ERC2: variants seen among roughly 807,000 people sequenced by gnomAD.
ERC2 encodes the protein ERC protein 2.
ERC2 carries 42 observed loss-of-function variants against 114.8 expected under a neutral mutation model. That is an observed-to-expected ratio of 0.37 (90% confidence interval 0.29 to 0.47). ERC2 has a LOEUF of 0.47. ERC2 is among the 20% of genes least tolerant of loss of function. The probability of loss-of-function intolerance (pLI) is 0.99; values close to 1 mark genes in which losing one functional copy is unlikely to be tolerated. For synonymous variants in ERC2, 454 were observed against 425.5 expected (o/e 1.07, Z -0.82); for missense variants, 939 against 1,150.7 (o/e 0.82, Z 2.66).
chr3:56,043,427 T>C (rs1250750708), intron 7 of ERC2, among the ~76,000 whole-genome samples: 3 of 152,122 alleles, frequency 2.0e-5, no homozygotes, highest in Admixed American at 6.5e-5. Flanking sequence ...GTTTCAACCA[T>C]GCATATACCT....
chr3:56,465,216 T>C (rs2063489279), intron 1 of ERC2, among the ~76,000 whole-genome samples: 1 of 152,142 alleles, frequency 6.6e-6, no homozygotes, highest in African/African-American at 2.4e-5. Flanking sequence ...CTGGCCAACA[T>C]GGTGAAACCC....
chr3:55,664,656 G>C (rs751081475), intron 17 of ERC2, among the ~76,000 whole-genome samples: 77 of 152,174 alleles, frequency 5.1e-4, no homozygotes, highest in Admixed American at 3.9e-4. Context: ...GAGAGCCAAG[G>C]ATCCATTTCA....
intron 14 of ERC2, among the ~76,000 whole-genome samples, chr3:55,886,928 T>C (rs570825963): frequency 2.0e-5 from 3 of 152,356 alleles, no homozygotes; most frequent in Admixed American, 1.3e-4. Context: ...CAACAAACCA[T>C]TGAGCACCTA....
intron 17 of ERC2, among the ~76,000 whole-genome samples, chr3:55,637,777 T>C (rs2060017885): frequency 6.6e-6 from 1 of 152,176 alleles, no homozygotes; most frequent in South Asian, 2.1e-4. Flanking sequence ...TAGGTGTTTA[T>C]TACATATTTG....
At chr3:55,859,594 T>C (rs1226546288) in intron 14 of ERC2, among the ~76,000 whole-genome samples, 1 of 152,134 alleles carries the variant, frequency 6.6e-6, no homozygotes, top group Non-Finnish European at 1.5e-5. Context: ...TTTTTTAGCA[T>C]GTGGTAATGT....
chr3:56,062,325 A>ACT, intron 7 of ERC2, among the ~76,000 whole-genome samples: 1 of 152,326 alleles, frequency 6.6e-6, no homozygotes, highest in African/African-American at 2.4e-5. Flanking sequence ...CCTCTGTACA[A>ACT]GATCTGGTGT....
At chr3:56,180,901 T>C (rs1001464042) in intron 3 of ERC2, among the ~76,000 whole-genome samples, 36 of 152,216 alleles carry the variant, frequency 2.4e-4, no homozygotes, top group African/African-American at 8.2e-4. Flanking sequence ...AGAGTAACCA[T>C]CATCTTGAAG....
At position 56,007,284 on chromosome 3, in the gene ERC2, A is replaced by G; in HGVS notation, c.1958T>C (p.Leu653Ser). 1 of 1,599,514 alleles carries G rather than the reference A, an allele frequency of 6.3e-7. No individual in the cohort carries two copies. Among genetic ancestry groups the G allele is most frequent in the Non-Finnish European group, 8.5e-7 (1 of 1,172,140 alleles). Reference protein sequence around the residue: ...LIDLKEHASSLASAGLKRDSK... With the variant: ...LIDLKEHASSSASAGLKRDSK... ...ATCCCTTTTCAGCCCCGCAGAGGCT[A>G]ATGAAGATGCATGTTCTTTGAGGTC... Residue 653 changes from leucine to serine, a missense_variant, in exon 10 of 18, where the codon TTA becomes TCA. Transcript: ENST00000288221.
intron 14 of ERC2, among the ~76,000 whole-genome samples, chr3:55,789,712 G>T (rs932077515): frequency 1.9e-4 from 29 of 152,136 alleles, no homozygotes; most frequent in Non-Finnish European, 3.7e-4. Flanking sequence ...GAAGAGAAAG[G>T]CACTACAGAA....
chr3:56,284,942 C>T (rs2054577880), intron 3 of ERC2, among the ~76,000 whole-genome samples: 1 of 151,000 alleles, frequency 6.6e-6, no homozygotes, highest in Non-Finnish European at 1.5e-5. Context: ...CTCTCAATCT[C>T]TCCCTCCATC....
At chr3:55,823,646 A>G (rs1206442247) in intron 14 of ERC2, among the ~76,000 whole-genome samples, 1 of 152,230 alleles carries the variant, frequency 6.6e-6, no homozygotes, top group African/African-American at 2.4e-5. Flanking sequence ...AGTAGCCCAA[A>G]TGCAAAAGAG....
chr3:56,362,031 T>TG lies in ERC2; in HGVS notation c.658-65597dup, dbSNP rs2058976954. The stretch of plus-strand genomic sequence containing the variant: ...AAGGAAGGCCATACCTTCCCATTGA[T>TG]GGAGGCAGAGGCTTAAAGCTCAGCC... On this transcript the variant is annotated intron_variant, in intron 2 of 17. Coordinates refer to ENST00000288221, the MANE Select transcript of ERC2 (RefSeq NM_015576.3). 2.6e-5 allele frequency among the ~76,000 whole-genome samples: 4 copies of TG among 152,298 alleles called. No homozygotes were observed. In the South Asian group the frequency reaches 8.3e-4, roughly 32 times the overall value.
At chr3:56,174,662 C>T (rs1167350148) in intron 3 of ERC2, among the ~76,000 whole-genome samples, 1 of 152,204 alleles carries the variant, frequency 6.6e-6, no homozygotes, top group Non-Finnish European at 1.5e-5. Context: ...CCATTATCAT[C>T]TACTATCACT....
At chr3:55,545,881 C>T (rs752005914) in intron 17 of ERC2, among the ~76,000 whole-genome samples, 6 of 152,128 alleles carry the variant, frequency 3.9e-5, no homozygotes, top group Non-Finnish European at 7.4e-5. Flanking sequence ...ACCCAAGGGG[C>T]GGGGGAACTA....
At chr3:56,034,991 A>C (rs905611211) in intron 7 of ERC2, among the ~76,000 whole-genome samples, 5 of 152,020 alleles carry the variant, frequency 3.3e-5, no homozygotes, top group Non-Finnish European at 7.4e-5. Flanking sequence ...GAGACAAATA[A>C]AATTAAGTTT....
chr3:56,067,592 G>A (rs1371490576), intron 7 of ERC2, among the ~76,000 whole-genome samples: 1 of 152,138 alleles, frequency 6.6e-6, no homozygotes, highest in African/African-American at 2.4e-5. Flanking sequence ...GAATAGGAGT[G>A]GTGAAAGAGG....
At chr3:55,641,878 G>C (rs2060201154) in intron 17 of ERC2, among the ~76,000 whole-genome samples, 1 of 152,128 alleles carries the variant, frequency 6.6e-6, no homozygotes, top group African/African-American at 2.4e-5. Flanking sequence ...TTCTCAGTTT[G>C]ATCCAAGTAG....
chr3:55,888,794 T>TAC (rs1434314132), intron 13 of ERC2, among the ~76,000 whole-genome samples: 1 of 152,136 alleles, frequency 6.6e-6, no homozygotes, highest in Non-Finnish European at 1.5e-5. Context: ...GATAAAAGAC[T>TAC]ACACATTGGG....
intron 6 of ERC2, among the ~76,000 whole-genome samples, chr3:56,133,330 G>A (rs2080314386): frequency 6.6e-6 from 1 of 152,130 alleles, no homozygotes; most frequent in South Asian, 2.1e-4. Context: ...CCAGTTAGTT[G>A]GGAGGCTGAG....
Sources: allele counts gnomAD v4.1 joint callset (sites outside exome capture counted in the v4.1 genomes callset), GRCh38; gene constraint gnomAD v4.1.1; transcripts MANE v1.5; gene names NCBI Gene and HGNC (gene_info 2026-07-23, HGNC 2026-07-21).